MYO10: variants seen among roughly 807,000 people sequenced by gnomAD.
MYO10 encodes myosin X, also known as unconventional myosin-X.
MYO10 carries 133 observed loss-of-function variants against 257.3 expected under a neutral mutation model. The ratio of observed to expected loss-of-function variants is 0.52; its 90% confidence interval spans 0.45 to 0.60. The LOEUF is 0.60. MYO10 is among the 20% of genes least tolerant of loss of function. The pLI, the probability that MYO10 is intolerant of heterozygous loss-of-function variation, is 0.00. For missense variants in MYO10, 2,399 were observed against 2,635.7 expected (o/e 0.91, Z 1.97); for synonymous variants, 1,104 against 1,028.6 (o/e 1.07, Z -1.40).
chr5:16,858,180 AT>A (rs1414910295), intron 2 of MYO10, among the ~76,000 whole-genome samples: 1 of 152,178 alleles, frequency 6.6e-6, no homozygotes, highest in Non-Finnish European at 1.5e-5. Context: ...ATATAACTTT[AT>A]TAAATTTGAA....
intron 1 of MYO10, among the ~76,000 whole-genome samples, chr5:16,923,323 C>T (rs529884442): frequency 1.3e-5 from 2 of 150,226 alleles, no homozygotes; most frequent in African/African-American, 2.4e-5. Context: ...AATCTCGCTC[C>T]GTCGCCCAGG....
At chr5:16,763,155 G>A (rs997431589) in intron 14 of MYO10, among the ~76,000 whole-genome samples, 2 of 151,922 alleles carry the variant, frequency 1.3e-5, no homozygotes, top group Non-Finnish European at 1.5e-5. Context: ...AATTGAACCC[G>A]TTGCAATTTT....
chr5:16,837,773 C>T (rs1027574954), intron 2 of MYO10, among the ~76,000 whole-genome samples: 2 of 152,136 alleles, frequency 1.3e-5, no homozygotes, highest in Non-Finnish European at 2.9e-5. Context: ...AGGCACACCT[C>T]GTTTAATTCA....
At chr5:16,878,111 G>A (rs1744657008) in intron 1 of MYO10, among the ~76,000 whole-genome samples, 1 of 152,220 alleles carries the variant, frequency 6.6e-6, no homozygotes. Flanking sequence ...ATGACAGGCA[G>A]TTGGGCTCCA....
chr5:16,840,714 G>A (rs1743453024), intron 2 of MYO10, among the ~76,000 whole-genome samples: 1 of 151,452 alleles, frequency 6.6e-6, no homozygotes, highest in Non-Finnish European at 1.5e-5. Context: ...TTTTTGTTGT[G>A]CAATATGCAC....
intron 9 of MYO10, among the ~76,000 whole-genome samples, chr5:16,775,837 G>A (rs902694320): frequency 4.0e-5 from 6 of 151,316 alleles, no homozygotes; most frequent in African/African-American, 7.3e-5. Flanking sequence ...TCCAGACCTC[G>A]TGATCCATAG....
chr5:16,833,918 T>G (rs1461742037), intron 2 of MYO10, among the ~76,000 whole-genome samples: 1 of 152,326 alleles, frequency 6.6e-6, no homozygotes, highest in East Asian at 1.9e-4. Context: ...TTATCAGTGA[T>G]GTAATCTGGC....
chr5:16,767,056 T>C (rs896951261), intron 10 of MYO10, among the ~76,000 whole-genome samples: 4 of 151,966 alleles, frequency 2.6e-5, no homozygotes, highest in African/African-American at 9.7e-5. Flanking sequence ...TAAGATGTTA[T>C]CTGCTTTTTT....
intron 37 of MYO10, 138 bp from the exon 38 acceptor site, chr5:16,671,680 G>A: frequency 9.1e-7 from 1 of 1,094,636 alleles, no homozygotes; most frequent in Non-Finnish European, 1.3e-6. Context: ...ATAGAGATGG[G>A]GATAGAGGAA....
chr5:16,667,525 C>A (rs978741748), intron 40 of MYO10, among the ~76,000 whole-genome samples: 1 of 152,174 alleles, frequency 6.6e-6, no homozygotes, highest in Non-Finnish European at 1.5e-5. Flanking sequence ...TTGTTGTCTA[C>A]TGGATCTCAC....
chr5:16,828,808 C>T (rs253321), intron 2 of MYO10, among the ~76,000 whole-genome samples: 122,711 of 151,916 alleles, frequency 0.81, 49,783 homozygotes, highest in African/African-American at 0.83. Context: ...CTGGAACTCC[C>T]GGGCTCAAGC....
chr5:16,844,642 A>G (rs1272352019), intron 2 of MYO10, among the ~76,000 whole-genome samples: 2 of 152,226 alleles, frequency 1.3e-5, no homozygotes, highest in Admixed American at 6.5e-5. Context: ...TCTATACTCA[A>G]CTACTAATTC....
At chr5:16,676,641 G>A (rs770700246) in intron 33 of MYO10, among the ~76,000 whole-genome samples, 7 of 152,254 alleles carry the variant, frequency 4.6e-5, no homozygotes, top group South Asian at 2.1e-4. Flanking sequence ...GCTTGAACCC[G>A]GGAGGCGGAG....
chr5:16,831,657 T>G (rs1370975900), intron 2 of MYO10, among the ~76,000 whole-genome samples: 1 of 152,114 alleles, frequency 6.6e-6, no homozygotes, highest in East Asian at 1.9e-4. Context: ...CATTCATATG[T>G]GGGAGCAAAG....
rs749163647 is a variant in MYO10 at position 16,670,856 on chromosome 5, G to A, written c.5553C>T (p.Leu1851=). Residue 1851 remains leucine, a synonymous_variant, in exon 39 of 41, where the codon CTC becomes CTT. Transcript: ENST00000513610. ...GTCTCTGCAGGGAATAAACCTCTTC[G>A]AGAGGTGGGATGGCAGCGTGCAGAG... is the stretch of plus-strand genomic sequence containing the variant. ...DYTLHAAIPP[L]EEVYSLQRLK... 1.2e-5 allele frequency: 19 copies of A among 1,613,810 alleles called. No homozygotes were observed. In the East Asian group the frequency reaches 2.0e-4, roughly 17 times the overall value.
intron 19 of MYO10, among the ~76,000 whole-genome samples, chr5:16,734,171 C>A (rs1739695276): frequency 6.6e-6 from 1 of 151,956 alleles, no homozygotes; most frequent in South Asian, 2.1e-4. Flanking sequence ...AAGCAGCAGA[C>A]AGAAGGCTAT....
intron 35 of MYO10, 55 bp downstream of exon 35, chr5:16,674,798 C>A: frequency 6.3e-7 from 1 of 1,589,148 alleles, no homozygotes; most frequent in Non-Finnish European, 8.6e-7. Flanking sequence ...GGACCCAGTG[C>A]CCCACCTGTG....
Position 16,681,881 on chromosome 5 carries a change from G to C in MYO10, c.4179C>G (p.Phe1393Leu). The part of the protein sequence containing the change: ...KGDTRVEGQE[F>L]IVRGWLHKEV... ...AGGGCAGGCAGTCACCTCTCACGAT[G>C]AATTCCTGGCCCTCCACTCTGGTGT... is the stretch of plus-strand genomic sequence containing the variant. Residue 1393 changes from phenylalanine to leucine, a missense_variant, in exon 31 of 41, where the codon TTC becomes TTG. Phe to Leu is a conservative substitution (Grantham distance 22). Around this residue, in one of 3 missense-constraint regions of MYO10, gnomAD observed 1,820 missense variants for 1,939.4 expected, o/e 0.94. Transcript: ENST00000513610. 1 of 1,613,900 alleles carries C rather than the reference G, an allele frequency of 6.2e-7. No individual in the cohort carries two copies.
intron 30 of MYO10, 89 bp from the exon 31 acceptor site, chr5:16,682,102 T>C: frequency 1.3e-6 from 2 of 1,482,540 alleles, no homozygotes; most frequent in Non-Finnish European, 1.8e-6. Context: ...GCCTTCTTCC[T>C]GGCTTCTGGG....
Sources: allele counts gnomAD v4.1 joint callset (sites outside exome capture counted in the v4.1 genomes callset), GRCh38; gene constraint gnomAD v4.1.1; regional missense constraint gnomAD v4.1.1; transcripts MANE v1.5; gene names NCBI Gene and HGNC (gene_info 2026-07-23, HGNC 2026-07-21).